Variants in LRBA observed in about 807,000 individuals in gnomAD.
LRBA encodes LPS responsive beige-like anchor protein.
Under a neutral mutation model 330.0 loss-of-function variants are expected in LRBA, and 176 were observed. The observed-to-expected ratio is 0.53, with a 90% CI of 0.47 to 0.60. The LOEUF is 0.60. Ranked by LOEUF, LRBA falls within the 20% of genes least tolerant of loss-of-function variation. LRBA has a pLI of 0.00. For missense variants in LRBA, 3,259 were observed against 3,444.8 expected (o/e 0.95, Z 1.35); for synonymous variants, 1,230 against 1,193.0 (o/e 1.03, Z -0.64).
intron 55 of LRBA, 149 bp from the exon 56 acceptor site, chr4:150,278,153 G>A: frequency 1.5e-6 from 1 of 649,474 alleles, no homozygotes; most frequent in Non-Finnish European, 2.6e-6. Flanking sequence ...GTGAGTTGTA[G>A]AAGATCTGCC....
intron 51 of LRBA, among the ~76,000 whole-genome samples, chr4:150,313,282 A>G (rs576912466): frequency 6.6e-6 from 1 of 152,288 alleles, no homozygotes; most frequent in African/African-American, 2.4e-5. Flanking sequence ...TTGAATATCA[A>G]TTCACTCTGA....
At chr4:150,636,367 G>A (rs1227685393) in intron 37 of LRBA, among the ~76,000 whole-genome samples, 8 of 151,818 alleles carry the variant, frequency 5.3e-5, no homozygotes, top group Admixed American at 2.0e-4. Context: ...CTATTTTGAC[G>A]TTTGACTGTT....
chr4:150,385,376 A>G lies in LRBA; in HGVS notation c.7194+30062T>C, dbSNP rs74289425. On this transcript the variant is annotated intron_variant, in intron 47 of 56. Coordinates refer to ENST00000651943, the MANE Select transcript of LRBA (RefSeq NM_001364905.1). The stretch of plus-strand genomic sequence containing the variant: ...GCGAATAGACCAGTCATAAAAAATA[A>G]ACTCGTTTTTTAGTTGATCCAATCT... 4.8e-4 allele frequency among the ~76,000 whole-genome samples: 73 copies of G among 152,294 alleles called. No individual in the cohort carries two copies. In the East Asian group the frequency reaches 0.01, roughly 21 times the overall value.
chr4:150,512,717 GAAAAAA>G (rs370203536), intron 40 of LRBA, among the ~76,000 whole-genome samples: 3 of 100,664 alleles, frequency 3.0e-5, no homozygotes, highest in South Asian at 4.0e-4. Flanking sequence ...TGCTTTTTGA[GAAAAAA>G]AAAAAAAAAA....
At chr4:150,423,178 C>CT in intron 46 of LRBA, 1 of 1,340,682 alleles carries the variant, frequency 7.5e-7, no homozygotes, top group Non-Finnish European at 1.1e-6. Context: ...CCTCCGGTCC[C>CT]CCTTCTTGTT....
intron 35 of LRBA, among the ~76,000 whole-genome samples, chr4:150,736,172 A>G (rs545132917): frequency 6.6e-6 from 1 of 152,214 alleles, no homozygotes; most frequent in Non-Finnish European, 1.5e-5. Context: ...CTAAATTAAT[A>G]CAATCGGCCA....
chr4:150,992,968 T>C (rs948646373), intron 2 of LRBA, among the ~76,000 whole-genome samples: 1 of 152,124 alleles, frequency 6.6e-6, no homozygotes, highest in Non-Finnish European at 1.5e-5. Flanking sequence ...ATCTTAGATA[T>C]AGCAGAATAG....
At chr4:150,554,425 C>A (rs1767021861) in intron 40 of LRBA, among the ~76,000 whole-genome samples, 1 of 152,070 alleles carries the variant, frequency 6.6e-6, no homozygotes, top group South Asian at 2.1e-4. Flanking sequence ...AAATCAGAAA[C>A]CAAAATGTAA....
chr4:150,456,658 C>T (rs372059197), intron 44 of LRBA, among the ~76,000 whole-genome samples: 48 of 152,048 alleles, frequency 3.2e-4, no homozygotes, highest in African/African-American at 1.1e-3. Context: ...TCCTTTGCTG[C>T]GCAGAAGCCT....
intron 40 of LRBA, among the ~76,000 whole-genome samples, chr4:150,495,356 G>C (rs1759468429): frequency 6.6e-6 from 1 of 152,034 alleles, no homozygotes; most frequent in East Asian, 1.9e-4. Flanking sequence ...ACATGACAAA[G>C]TCTAATGAAG....
chr4:150,272,098 G>T (rs1746195748), intron 56 of LRBA, among the ~76,000 whole-genome samples: 1 of 152,090 alleles, frequency 6.6e-6, no homozygotes, highest in Non-Finnish European at 1.5e-5. Flanking sequence ...TCTGGCGGAG[G>T]CCCCTCTGGA....
Position 150,435,628 on chromosome 4 carries a change from T to C in LRBA, c.7002A>G (p.Arg2334=). ...TATCACGCTGACTGTTTCGCCAAGC[T>C]CTGGAAATTGATGAAAAAGTTCGAT... ...HADRTFSSIS[R]AWRNSQRDTS... The change falls in exon 46 of 57, where the codon AGA becomes AGG. Residue 2334 remains arginine (R), a synonymous_variant. Coordinates refer to ENST00000651943, the MANE Select transcript of LRBA (RefSeq NM_001364905.1). The C allele has an allele frequency of 6.2e-7, 1 of 1,613,352 alleles. No individual in the cohort carries two copies. The highest frequency in any genetic ancestry group is 8.5e-7 in the Non-Finnish European group (1 of 1,179,736).
At chr4:150,770,072 A>G (rs1328691783) in intron 34 of LRBA, among the ~76,000 whole-genome samples, 3 of 152,194 alleles carry the variant, frequency 2.0e-5, no homozygotes, top group Non-Finnish European at 4.4e-5. Flanking sequence ...GTGAGTCAGC[A>G]TCAATCACCC....
chr4:150,372,994 G>T (rs1740629639), intron 47 of LRBA, among the ~76,000 whole-genome samples: 1 of 151,920 alleles, frequency 6.6e-6, no homozygotes, highest in Admixed American at 6.6e-5. Context: ...CAATCCTATG[G>T]AGAGTGTCAT....
intron 37 of LRBA, among the ~76,000 whole-genome samples, chr4:150,638,337 A>ATTAT (rs1490555200): frequency 1.3e-5 from 2 of 152,076 alleles, no homozygotes; most frequent in Non-Finnish European, 2.9e-5. Context: ...AACTTCTTTA[A>ATTAT]TTATTATCAA....
At chr4:150,420,446 TATAA>T (rs1451483087) in intron 46 of LRBA, among the ~76,000 whole-genome samples, 2 of 111,342 alleles carry the variant, frequency 1.8e-5, no homozygotes, top group African/African-American at 3.4e-5. Flanking sequence ...ATAATACATA[TATAA>T]TATATAAAGT....
chr4:150,997,768 A>G (rs1441066280), intron 2 of LRBA, among the ~76,000 whole-genome samples: 2 of 151,722 alleles, frequency 1.3e-5, no homozygotes, highest in Non-Finnish European at 2.9e-5. Context: ...CAGTGGCGCA[A>G]TCTTGGCTTA....
At chr4:150,984,236 G>A (rs1416362023) in intron 2 of LRBA, among the ~76,000 whole-genome samples, 2 of 152,238 alleles carry the variant, frequency 1.3e-5, no homozygotes, top group Non-Finnish European at 2.9e-5. Context: ...TTTAGGGCTG[G>A]GCGCAGTGGC....
At position 150,914,273 on chromosome 4, in the gene LRBA, C is replaced by T. The variant is rs1560998754; in HGVS notation, c.1083G>A (p.Met361Ile). The change falls in exon 9 of 57, where the codon ATG becomes ATA. Residue 361 changes from methionine (M) to isoleucine (I), a missense_variant. Coordinates refer to ENST00000651943, the MANE Select transcript of LRBA (RefSeq NM_001364905.1). ...ADANRVFCGQ[M>I]TAVYLFSEAL... ...CTTCACTGAAAAGGTAAACTGCAGT[C>T]ATCTGACCACAGAATACTCTATTAG... is the stretch of plus-strand genomic sequence containing the variant. 1 of 1,607,970 alleles carries T rather than the reference C, an allele frequency of 6.2e-7. No individual in the cohort carries two copies. Among genetic ancestry groups the T allele is most frequent in the Non-Finnish European group, 8.5e-7 (1 of 1,176,844 alleles).
Sources: gnomAD v4.1 joint callset for allele counts (sites outside exome capture counted in the v4.1 genomes callset) on GRCh38, gnomAD v4.1.1 for gene constraint, MANE v1.5 for transcripts, NCBI Gene and HGNC (gene_info 2026-07-23, HGNC 2026-07-21) for gene names.